Variants in FBXL16 observed in about 807,000 individuals in gnomAD.
FBXL16 encodes F-box and leucine rich repeat protein 16.
A neutral mutation model predicts 36.7 loss-of-function variants in FBXL16; 7 were observed. The ratio of observed to expected loss-of-function variants is 0.19; its 90% CI spans 0.11 to 0.36. FBXL16 has a LOEUF of 0.36. Among genes scored for constraint, FBXL16 ranks in the 10% least tolerant of loss-of-function variants. The pLI, the probability that FBXL16 is intolerant of heterozygous loss-of-function variation, is 1.00. For synonymous variants in FBXL16, 355 were observed against 308.7 expected, an observed-to-expected ratio of 1.15 and a Z score of -1.57; for missense variants, 463 against 659.4, an observed-to-expected ratio of 0.70 and a Z score of 3.26.
At chr16:703,493 T>C (rs2040070820) in intron 1 of FBXL16, among the ~76,000 whole-genome samples, 1 of 152,150 alleles carries the variant, frequency 6.6e-6, no homozygotes, top group Non-Finnish European at 1.5e-5. Flanking sequence ...GCCAGAGAAA[T>C]GCACATCGGG....
In FBXL16 at chr16:692,841, G is replaced by A. The variant is rs1428299196; in HGVS notation, c.*1434C>T. 1.3e-5 allele frequency: 2 copies of A among 152,404 alleles called. No individual in the cohort carries two copies. The highest frequency in any genetic ancestry group is 3.9e-4 in the East Asian group (2 of 5,170). The allele number at this position is 152,404 out of a possible 1,614,324, so 9.4% of individuals were successfully genotyped here. On this transcript the variant is annotated 3_prime_UTR_variant, in exon 6 of 6. Coordinates refer to ENST00000397621, the MANE Select transcript of FBXL16 (RefSeq NM_153350.4). Reference sequence around the variant, plus strand: ...GAGCTTCCTGGGGCTGGCACTCCAGGGACAGGAAAATCTTTGGGCTGTTGA... The same window carrying A: ...GAGCTTCCTGGGGCTGGCACTCCAGAGACAGGAAAATCTTTGGGCTGTTGA...
Position 695,711 on chromosome 16 carries a change from G to A in FBXL16, c.846C>T (p.Asp282=). 1 of 1,604,390 alleles carries A rather than the reference G, an allele frequency of 6.2e-7. No homozygotes were observed. The highest frequency in any genetic ancestry group is 8.5e-7 in the Non-Finnish European group (1 of 1,178,972). The change falls in exon 3 of 6, where the codon GAC becomes GAT. Residue 282 remains aspartate, a synonymous_variant. Coordinates refer to ENST00000397621, the MANE Select transcript of FBXL16 (RefSeq NM_153350.4). ...GCGCCGTGAAGTAGGCCAGCGCCGT[G>A]TCCGTCACGTGGTAGGCCTGCAGGC... is the stretch of plus-strand genomic sequence containing the variant. The part of the protein sequence containing the change: ...ELSLQAYHVT[D]TALAYFTARQ...
Position 697,563 on chromosome 16 carries a change from C to T in FBXL16, c.-14-144G>A. The T allele has an allele frequency of 1.8e-6, 2 of 1,093,660 alleles. No individual in the cohort carries two copies. Among genetic ancestry groups the T allele is most frequent in the East Asian group, 5.6e-5 (2 of 35,528 alleles). 67.7% of individuals were successfully genotyped at this position (1,093,660 alleles called of 1,614,324 possible). A position where few individuals can be genotyped will look rare whatever the true frequency, so the allele number is the denominator to read the frequency against. ...CACCAGACAGAGAGGATGGGAGTGC[C>T]TGCTTCTCCCTCCCAGACTGTGAGC... On this transcript the variant is annotated intron_variant, in intron 1 of 5. Transcript: ENST00000397621. This position sits in a 1 kb window ranked among gnomAD's most constrained non-coding sequence, Gnocchi z 4.6.
At position 695,388 on chromosome 16, in the gene FBXL16, CGCCCGGCGCG is replaced by C. The variant is rs747518645; in HGVS notation, c.1142+17_1142+26del. 1.3e-6 allele frequency: 2 copies of C among 1,490,940 alleles called. No individual in the cohort carries two copies. Among genetic ancestry groups the C allele is most frequent in the South Asian group, 2.5e-5 (2 of 79,738 alleles). The allele number at this position is 1,490,940 out of a possible 1,614,324, so 92.4% of individuals were successfully genotyped here. On this transcript the variant is annotated intron_variant, in intron 3 of 5. Coordinates refer to ENST00000397621, the MANE Select transcript of FBXL16 (RefSeq NM_153350.4). ...CGTGCAGCCCCGCCCGGCCCAGCCC[CGCCCGGCGCG>C]GCCCGGGGGCGCGCACCTGTCGAGC...
rs957580784 is a variant in FBXL16, at chr16:697,718, C to T, written c.-14-299G>A. Reference sequence around the variant, plus strand: ...TTTTTTTCTTTTTGAAACAGAGTTCCGGCCGGGCGCGGTGGCTCATGCCTG... The same window carrying T: ...TTTTTTTCTTTTTGAAACAGAGTTCTGGCCGGGCGCGGTGGCTCATGCCTG... On this transcript the variant is annotated intron_variant, in intron 1 of 5. Coordinates refer to ENST00000397621, the MANE Select transcript of FBXL16 (RefSeq NM_153350.4). This position sits in a 1 kb window ranked among gnomAD's most constrained non-coding sequence, Gnocchi z 4.6. Among the ~76,000 whole-genome samples the T allele has an allele frequency of 2.0e-5, 3 of 152,174 alleles. No individual in the cohort carries two copies. Among genetic ancestry groups the T allele is most frequent in the East Asian group, 1.9e-4 (1 of 5,166 alleles).
Position 694,168 on chromosome 16 carries a change from G to C in FBXL16, c.*107C>G. ...CCCCGCCTCCCGCGCTGGGCCGGGG[G>C]CGCGGGGGCTCCCCCGAGCGCAAGG... On this transcript the variant is annotated 3_prime_UTR_variant, in exon 6 of 6. Transcript: ENST00000397621. 1.3e-6 allele frequency: 1 copy of C among 768,894 alleles called. No homozygotes were observed. Among genetic ancestry groups the C allele is most frequent in the Non-Finnish European group, 1.8e-6 (1 of 569,222 alleles). The allele number at this position is 768,894 out of a possible 1,614,324, so 47.6% of individuals were successfully genotyped here. A position where few individuals can be genotyped will look rare whatever the true frequency, so the allele number is the denominator to read the frequency against.
chr16:692,688 C>T lies in FBXL16; in HGVS notation c.*1587G>A, dbSNP rs913507754. The T allele has an allele frequency of 2.0e-5, 3 of 152,474 alleles. No individual in the cohort carries two copies. The highest frequency in any genetic ancestry group is 4.8e-5 in the African/African-American group (2 of 41,416). The allele number at this position is 152,474 out of a possible 1,614,324, so 9.4% of individuals were successfully genotyped here. On this transcript the variant is annotated 3_prime_UTR_variant, in exon 6 of 6. Coordinates refer to ENST00000397621, the MANE Select transcript of FBXL16 (RefSeq NM_153350.4). ...TCCTCTCTCCCCTTAATTTTTCCTC[C>T]TACAGTCGTTGGAAATATCACAGCT...
chr16:698,169 A>G (rs893159720), intron 1 of FBXL16, among the ~76,000 whole-genome samples: 16 of 151,386 alleles, frequency 1.1e-4, no homozygotes, highest in African/African-American at 3.9e-4. Flanking sequence ...ACACCCGGCT[A>G]ATTTTGTATT....
chr16:694,224 C>G lies in FBXL16; in HGVS notation c.*51G>C, dbSNP rs2039992645. 1 of 1,244,910 alleles carries G rather than the reference C, an allele frequency of 8.0e-7. No homozygotes were observed. The highest frequency in any genetic ancestry group is 4.2e-5 in the Admixed American group (1 of 23,678). The allele number at this position is 1,244,910 out of a possible 1,614,324, so 77.1% of individuals were successfully genotyped here. A position where few individuals can be genotyped will look rare whatever the true frequency, so the allele number is the denominator to read the frequency against. Reference sequence around the variant, plus strand: ...AGAGGGGGCTCGGCGGCGCCCCGCGCCCCCGCCCAGGTCATGGCCGGGTTC... The same window carrying G: ...AGAGGGGGCTCGGCGGCGCCCCGCGGCCCCGCCCAGGTCATGGCCGGGTTC... On this transcript the variant is annotated 3_prime_UTR_variant, in exon 6 of 6. Coordinates refer to ENST00000397621, the MANE Select transcript of FBXL16 (RefSeq NM_153350.4).
At chr16:698,541 G>T (rs2151521324) in intron 1 of FBXL16, among the ~76,000 whole-genome samples, 1 of 152,330 alleles carries the variant, frequency 6.6e-6, no homozygotes, top group East Asian at 1.9e-4. Flanking sequence ...CCCCTGCAGG[G>T]TGACTGCACA....
In FBXL16 at chr16:695,812, C is replaced by A. The variant is rs1376593066; in HGVS notation, c.745G>T (p.Val249Leu). The change falls in exon 3 of 6, where the codon GTG becomes TTG. Residue 249 changes from valine (V) to leucine (L), a missense_variant. Around this residue, in one of 3 missense-constraint regions of FBXL16, gnomAD observed 66 missense variants for 146.3 expected, o/e 0.45. Transcript: ENST00000397621. ...SLSARITSLS[V>L]SDCINVADDA... Reference sequence around the variant, plus strand: ...TCGGCCACGTTGATGCAGTCACTCACGCTCAGCGAGGTGATGCGCGCGCTC... The same window carrying A: ...TCGGCCACGTTGATGCAGTCACTCAAGCTCAGCGAGGTGATGCGCGCGCTC... 2 of 1,608,378 alleles carry A rather than the reference C, an allele frequency of 1.2e-6. No homozygotes were observed. Among genetic ancestry groups the A allele is most frequent in the African/African-American group, 2.7e-5 (2 of 74,914 alleles).
intron 1 of FBXL16, among the ~76,000 whole-genome samples, chr16:701,051 T>C (rs1043942651): frequency 2.6e-5 from 4 of 152,146 alleles, no homozygotes; most frequent in African/African-American, 9.7e-5. Context: ...GGCCTGCACG[T>C]GGAGCGCCGG....
At chr16:698,293 G>A (rs1382099326) in intron 1 of FBXL16, among the ~76,000 whole-genome samples, 3 of 152,140 alleles carry the variant, frequency 2.0e-5, no homozygotes, top group South Asian at 2.1e-4. Context: ...ATGAGCCACC[G>A]TGCCTGACCG....
Position 695,440 on chromosome 16 carries a change from G to T in FBXL16, c.1117C>A (p.Arg373Ser). The change falls in exon 3 of 6, where the codon CGC (arginine) becomes AGC (serine). Residue 373 changes from arginine (R) to serine (S), a missense_variant. Physicochemically the swap from Arg to Ser is moderately radical, Grantham distance 110. Transcript: ENST00000397621. ...CTGTCGAGCACGAGCTCCTCTAGGC[G>T]GTGCAGGTCGCAGGCCACGTACTCC... The part of the protein sequence containing the change: ...ALEYVACDLH[R>S]LEELVLDRCV... The T allele has an allele frequency of 1.3e-6, 2 of 1,547,600 alleles. No individual in the cohort carries two copies. The highest frequency in any genetic ancestry group is 1.4e-5 in the African/African-American group (1 of 73,724).
At chr16:701,081 G>C (rs1368563930) in intron 1 of FBXL16, among the ~76,000 whole-genome samples, 1 of 152,184 alleles carries the variant, frequency 6.6e-6, no homozygotes, top group African/African-American at 2.4e-5. Flanking sequence ...AGGCATTCGC[G>C]GGGCTCCTTT....
chr16:695,377 C>A (rs1215343657), intron 3 of FBXL16, 38 bp downstream of exon 3: 3 of 1,409,122 alleles, frequency 2.1e-6, no homozygotes, highest in Non-Finnish European at 2.8e-6. Flanking sequence ...CAGCCCCGCC[C>A]GGCCCAGCCC....
rs1205185297 is a variant in FBXL16, at chr16:694,033, C to T, written c.*242G>A. ...GGGCACGAGGGGCATGCACAAAGTC[C>T]CCGAGTGTGCGTGCGTGCGTGGGGC... On this transcript the variant is annotated 3_prime_UTR_variant, in exon 6 of 6. Transcript: ENST00000397621. 9.6e-6 allele frequency: 2 copies of T among 208,542 alleles called. No homozygotes were observed. The highest frequency in any genetic ancestry group is 2.1e-4 in the East Asian group (2 of 9,468). The allele number at this position is 208,542 out of a possible 1,614,324, so 12.9% of individuals were successfully genotyped here. A position where few individuals can be genotyped will look rare whatever the true frequency, so the allele number is the denominator to read the frequency against.
chr16:695,371 C>G, intron 3 of FBXL16, 44 bp downstream of exon 3: 6 of 1,380,372 alleles, frequency 4.3e-6, no homozygotes, highest in Non-Finnish European at 5.6e-6. Flanking sequence ...CCCGTGCAGC[C>G]CCGCCCGGCC....
At chr16:700,827 C>T (rs1183635199) in intron 1 of FBXL16, among the ~76,000 whole-genome samples, 1 of 152,076 alleles carries the variant, frequency 6.6e-6, no homozygotes, top group South Asian at 2.1e-4. Context: ...GCGCTCAGGG[C>T]CAGGCCCGGG....
Sources: allele counts gnomAD v4.1 joint callset (sites outside exome capture counted in the v4.1 genomes callset), GRCh38; gene constraint gnomAD v4.1.1; regional missense constraint gnomAD v4.1.1; non-coding constraint Gnocchi (gnomAD v3.1); transcripts MANE v1.5; gene names NCBI Gene and HGNC (gene_info 2026-07-23, HGNC 2026-07-21).